Variants in ADAMTS3 observed in about 807,000 individuals in gnomAD.
ADAMTS3 encodes the protein A disintegrin and metalloproteinase with thrombospondin motifs 3.
A neutral mutation model predicts 129.0 loss-of-function variants in ADAMTS3; 73 were observed. That is an observed-to-expected ratio of 0.57 (90% CI 0.47 to 0.69). ADAMTS3 has a LOEUF of 0.69. Ranked by LOEUF, ADAMTS3 falls within the 30% of genes least tolerant of loss-of-function variation. The pLI is 0.00. For synonymous variants in ADAMTS3, 477 were observed against 510.8 expected (o/e 0.93, Z 0.89); for missense variants, 1,457 against 1,514.5 (o/e 0.96, Z 0.63).
chr4:72,378,662 A>G (rs1475950718), intron 4 of ADAMTS3, among the ~76,000 whole-genome samples: 1 of 150,980 alleles, frequency 6.6e-6, no homozygotes, highest in Non-Finnish European at 1.5e-5. Context: ...TTTTTTTTGC[A>G]GTCACAGAAG....
chr4:72,433,614 G>A lies in ADAMTS3; in HGVS notation c.505-18643C>T, dbSNP rs568772951. 5.9e-4 allele frequency among the ~76,000 whole-genome samples: 89 copies of A among 151,762 alleles called. 1 individual carries two copies. Among genetic ancestry groups the A allele is most frequent in the South Asian group, 2.5e-3 (12 of 4,808 alleles). On this transcript the variant is annotated intron_variant, in intron 3 of 21. Coordinates refer to ENST00000286657, the MANE Select transcript of ADAMTS3 (RefSeq NM_014243.3). Reference sequence around the variant, plus strand: ...CTTTGCTGTATGAACATGAAATTTCGCACAAACATGGTACTGTTCTATAAG... The same window carrying A: ...CTTTGCTGTATGAACATGAAATTTCACACAAACATGGTACTGTTCTATAAG...
chr4:72,454,779 A>T (rs1718498524), intron 3 of ADAMTS3, among the ~76,000 whole-genome samples: 1 of 151,696 alleles, frequency 6.6e-6, no homozygotes, highest in African/African-American at 2.4e-5. Context: ...TGGAGGAGAA[A>T]CAGGGTTTGA....
At chr4:72,360,644 G>A (rs1179965352) in intron 4 of ADAMTS3, among the ~76,000 whole-genome samples, 1 of 151,738 alleles carries the variant, frequency 6.6e-6, no homozygotes, top group Admixed American at 6.6e-5. Context: ...ACCCAAATAC[G>A]AAAAGGTACT....
intron 5 of ADAMTS3, among the ~76,000 whole-genome samples, chr4:72,331,912 T>G (rs1007684737): frequency 1.3e-5 from 2 of 152,220 alleles, no homozygotes; most frequent in Non-Finnish European, 1.5e-5. Context: ...GATTAATATA[T>G]TTTATAGATC....
chr4:72,458,812 C>T (rs564168774), intron 3 of ADAMTS3, among the ~76,000 whole-genome samples: 4 of 151,558 alleles, frequency 2.6e-5, no homozygotes, highest in African/African-American at 7.2e-5. Flanking sequence ...AGTTTCTACT[C>T]GTAAGTGCCA....
intron 2 of ADAMTS3, among the ~76,000 whole-genome samples, chr4:72,554,872 C>T (rs1721724673): frequency 6.6e-6 from 1 of 151,804 alleles, no homozygotes; most frequent in Admixed American, 6.6e-5. Context: ...CCACTTACTA[C>T]CCTAGTGATT....
At chr4:72,532,490 T>G (rs1299571654) in intron 3 of ADAMTS3, among the ~76,000 whole-genome samples, 1 of 80,666 alleles carries the variant, frequency 1.2e-5, no homozygotes, top group Non-Finnish European at 2.5e-5. Context: ...TAATTTAATA[T>G]GCACACACAC....
Position 72,282,933 on chromosome 4 carries a change from T to A in ADAMTS3, c.*203A>T, listed in dbSNP as rs1718388862. ...AATAATCTTTGGTGATTTCTTCCAA[T>A]GAATTCTGGTAAATGAGTCAATGCA... On this transcript the variant is annotated 3_prime_UTR_variant, in exon 22 of 22. Coordinates refer to ENST00000286657, the MANE Select transcript of ADAMTS3 (RefSeq NM_014243.3). 1 of 447,074 alleles carries A rather than the reference T, an allele frequency of 2.2e-6. No homozygotes were observed. Among genetic ancestry groups the A allele is most frequent in the Non-Finnish European group, 4.0e-6 (1 of 253,152 alleles). The allele number at this position is 447,074 out of a possible 1,614,324, so 27.7% of individuals were successfully genotyped here.
intron 4 of ADAMTS3, among the ~76,000 whole-genome samples, chr4:72,388,790 C>T (rs1313845721): frequency 1.3e-5 from 2 of 152,092 alleles, no homozygotes; most frequent in Non-Finnish European, 2.9e-5. Flanking sequence ...GGATTCATTA[C>T]AGTGAAAGCA....
At chr4:72,394,868 T>C (rs921462358) in intron 4 of ADAMTS3, among the ~76,000 whole-genome samples, 1 of 152,162 alleles carries the variant, frequency 6.6e-6, no homozygotes, top group East Asian at 1.9e-4. Flanking sequence ...CAACATATGG[T>C]ATGACGTGAA....
chr4:72,500,117 T>C lies in ADAMTS3; in HGVS notation c.504+48361A>G, dbSNP rs186489123. Reference sequence around the variant, plus strand: ...TGCATGTGTCTTCTTGGTAGAATGATTTATTTTCTTTTGGATATATACCCA... The same window carrying C: ...TGCATGTGTCTTCTTGGTAGAATGACTTATTTTCTTTTGGATATATACCCA... On this transcript the variant is annotated intron_variant, in intron 3 of 21. Coordinates refer to ENST00000286657, the MANE Select transcript of ADAMTS3 (RefSeq NM_014243.3). Among the ~76,000 whole-genome samples, 436 of 152,266 alleles carry C rather than the reference T, an allele frequency of 2.9e-3. 4 individuals are homozygous for C. The highest frequency in any genetic ancestry group is 0.01 in the African/African-American group (419 of 41,554).
intron 3 of ADAMTS3, among the ~76,000 whole-genome samples, chr4:72,519,652 C>T (rs1428488122): frequency 5.3e-5 from 8 of 152,310 alleles, no homozygotes; most frequent in African/African-American, 1.9e-4. Flanking sequence ...CTTCTGCATT[C>T]TTCACGTAGT....
intron 4 of ADAMTS3, among the ~76,000 whole-genome samples, chr4:72,350,324 A>G (rs1354321557): frequency 3.9e-5 from 6 of 152,032 alleles, no homozygotes; most frequent in African/African-American, 1.4e-4. Context: ...TATATCTTCT[A>G]TGTTTTCTAA....
chr4:72,550,384 A>G (rs897159044), intron 2 of ADAMTS3, among the ~76,000 whole-genome samples: 1 of 152,130 alleles, frequency 6.6e-6, no homozygotes, highest in Non-Finnish European at 1.5e-5. Context: ...ACCTCAGGCA[A>G]TAAGTGAAAT....
At chr4:72,488,967 T>C (rs1001828607) in intron 3 of ADAMTS3, among the ~76,000 whole-genome samples, 1 of 151,964 alleles carries the variant, frequency 6.6e-6, no homozygotes, top group Non-Finnish European at 1.5e-5. Flanking sequence ...GCAATCTTCC[T>C]TCTACTCTCC....
intron 4 of ADAMTS3, among the ~76,000 whole-genome samples, chr4:72,371,824 T>A (rs1177716881): frequency 2.0e-5 from 3 of 152,050 alleles, no homozygotes; most frequent in Admixed American, 6.6e-5. Context: ...TCACATTATT[T>A]TCATGTGATC....
At chr4:72,376,537 G>A (rs538078703) in intron 4 of ADAMTS3, among the ~76,000 whole-genome samples, 1 of 152,140 alleles carries the variant, frequency 6.6e-6, no homozygotes, top group Admixed American at 6.6e-5. Context: ...AGTTTCTAAT[G>A]TTAGAATGCA....
intron 8 of ADAMTS3, 121 bp from the exon 9 acceptor site, chr4:72,319,596 AG>A (rs1408841461): frequency 4.1e-6 from 5 of 1,229,576 alleles, no homozygotes; most frequent in Non-Finnish European, 5.6e-6. Flanking sequence ...TTCTTGAAGA[AG>A]TCACAGAAAC....
chr4:72,315,729 A>C (rs1046139596), intron 11 of ADAMTS3, 129 bp downstream of exon 11: 7 of 588,740 alleles, frequency 1.2e-5, no homozygotes, highest in African/African-American at 1.2e-4. Context: ...ACATTACTTT[A>C]ATAAAGCCTT....
Sources: gnomAD v4.1 joint callset for allele counts (sites outside exome capture counted in the v4.1 genomes callset) on GRCh38, gnomAD v4.1.1 for gene constraint, MANE v1.5 for transcripts, NCBI Gene and HGNC (gene_info 2026-07-23, HGNC 2026-07-21) for gene names.